Variants in RBM33 observed in about 807,000 individuals in gnomAD.
The protein encoded by RBM33 is RNA-binding protein 33.
Under a neutral mutation model 132.6 loss-of-function variants are expected in RBM33, and 28 were observed. That is an observed-to-expected ratio of 0.21 (90% confidence interval 0.16 to 0.29). RBM33 has a LOEUF of 0.29. Ranked by LOEUF, RBM33 falls within the 10% of genes least tolerant of loss-of-function variation. RBM33 has a pLI of 1.00. For missense variants in RBM33, 1,291 were observed against 1,518.5 expected (o/e 0.85, Z 2.49); for synonymous variants, 634 against 593.0 (o/e 1.07, Z -1.01).
At chr7:155,747,120 C>T (rs1270387856) in intron 14 of RBM33, among the ~76,000 whole-genome samples, 1 of 152,144 alleles carries the variant, frequency 6.6e-6, no homozygotes, top group African/African-American at 2.4e-5. Context: ...TGTAGACTAT[C>T]CAGTAGGATA....
At chr7:155,701,999 T>C (rs1401959253) in intron 6 of RBM33, among the ~76,000 whole-genome samples, 1 of 152,162 alleles carries the variant, frequency 6.6e-6, no homozygotes, top group African/African-American at 2.4e-5. Flanking sequence ...AAAGTTGTAT[T>C]TCTAATGAGT....
intron 8 of RBM33, among the ~76,000 whole-genome samples, chr7:155,712,225 A>G: frequency 6.6e-6 from 1 of 152,188 alleles, no homozygotes; most frequent in East Asian, 1.9e-4. Flanking sequence ...TGGAGAGGGG[A>G]CACACCATCT....
rs764694375 is a variant in RBM33, at chr7:155,680,836, G to A, written c.495G>A (p.Glu165=). ...LTEDQIEYVE[E]PEEEQLYTDE... is the part of the protein sequence containing the mutation. The stretch of plus-strand genomic sequence containing the variant: ...AAGACCAAATAGAATATGTGGAAGA[G>A]CCAGAGGAGGAGCAGCTTTACACTG... Residue 165 remains glutamate, a synonymous_variant, in exon 5 of 18, where the codon GAG becomes GAA. Coordinates refer to ENST00000401878, the MANE Select transcript of RBM33 (RefSeq NM_053043.3). 6.2e-7 allele frequency: 1 copy of A among 1,613,768 alleles called. No individual in the cohort carries two copies. Among genetic ancestry groups the A allele is most frequent in the Non-Finnish European group, 8.5e-7 (1 of 1,179,832 alleles).
At chr7:155,739,600 T>C (rs946044423) in intron 11 of RBM33, 115 bp from the exon 12 acceptor site, 1 of 1,177,492 alleles carries the variant, frequency 8.5e-7, no homozygotes, top group Non-Finnish European at 1.2e-6. Context: ...AAATGAAGTT[T>C]TGGTATCGCT....
At chr7:155,652,741 A>G (rs1258427803) in intron 1 of RBM33, among the ~76,000 whole-genome samples, 2 of 152,196 alleles carry the variant, frequency 1.3e-5, no homozygotes, top group Admixed American at 6.5e-5. Flanking sequence ...CGTTTTGCTC[A>G]GTTAATATTT....
chr7:155,663,980 C>A (rs576020091), intron 1 of RBM33, among the ~76,000 whole-genome samples: 1 of 152,266 alleles, frequency 6.6e-6, no homozygotes, highest in Non-Finnish European at 1.5e-5. Flanking sequence ...AGTGTTCCAG[C>A]AAATTTATGA....
At chr7:155,691,724 C>G (rs970053415) in intron 5 of RBM33, among the ~76,000 whole-genome samples, 1 of 152,164 alleles carries the variant, frequency 6.6e-6, no homozygotes, top group African/African-American at 2.4e-5. Context: ...CTGGACAGTC[C>G]TAATTAATAC....
chr7:155,685,586 G>T (rs753526897), intron 5 of RBM33, among the ~76,000 whole-genome samples: 1 of 152,190 alleles, frequency 6.6e-6, no homozygotes, highest in South Asian at 2.1e-4. Context: ...AGGAAACCCC[G>T]TGGGGAGAGA....
intron 6 of RBM33, among the ~76,000 whole-genome samples, chr7:155,701,862 G>A (rs6959476): frequency 0.4 from 60,868 of 151,856 alleles, 14,377 homozygotes; most frequent in African/African-American, 0.65. Context: ...TAGTTTTTGT[G>A]TTTTTAGTAG....
intron 9 of RBM33, among the ~76,000 whole-genome samples, chr7:155,724,990 T>TTTTTTTTGTGTG (rs71186056): frequency 1.8e-4 from 22 of 123,366 alleles, no homozygotes; most frequent in African/African-American, 7.0e-4. Context: ...GTGTACAGGT[T>TTTTTTTTGTGTG]TGTGTGTGTG....
At chr7:155,726,123 T>C (rs1800788830) in intron 9 of RBM33, among the ~76,000 whole-genome samples, 1 of 152,222 alleles carries the variant, frequency 6.6e-6, no homozygotes, top group Admixed American at 6.5e-5. Context: ...CTTATATCGT[T>C]CTTTGTATTT....
At chr7:155,735,719 GTCTCTC>G (rs879575856) in intron 9 of RBM33, among the ~76,000 whole-genome samples, 2 of 77,348 alleles carry the variant, frequency 2.6e-5, no homozygotes, top group African/African-American at 4.8e-5. Flanking sequence ...CTCTCTCTCT[GTCTCTC>G]TCTCTCTCTC....
chr7:155,702,981 T>C (rs986755347), intron 6 of RBM33, among the ~76,000 whole-genome samples: 1 of 152,218 alleles, frequency 6.6e-6, no homozygotes, highest in African/African-American at 2.4e-5. Flanking sequence ...GTGGATTTCA[T>C]GGCTCGTCTT....
At chr7:155,650,117 C>T (rs534589152) in intron 1 of RBM33, among the ~76,000 whole-genome samples, 3 of 152,332 alleles carry the variant, frequency 2.0e-5, no homozygotes, top group Admixed American at 6.5e-5. Flanking sequence ...ATCCCTTGCC[C>T]CAGGTGACCC....
chr7:155,692,940 G>T (rs1799687227), intron 5 of RBM33, among the ~76,000 whole-genome samples: 1 of 152,188 alleles, frequency 6.6e-6, no homozygotes. Flanking sequence ...AAAGTGTAAT[G>T]CAGTATACCA....
At chr7:155,666,784 T>C (rs1798814426) in intron 2 of RBM33, among the ~76,000 whole-genome samples, 1 of 152,210 alleles carries the variant, frequency 6.6e-6, no homozygotes, top group Admixed American at 6.5e-5. Context: ...AAATTTATTT[T>C]TATTGTTTAT....
Position 155,680,765 on chromosome 7 carries a change from T to C in RBM33, c.424T>C (p.Tyr142His). Residue 142 changes from tyrosine to histidine, a missense_variant, in exon 5 of 18, where the codon TAC becomes CAC. Coordinates refer to ENST00000401878, the MANE Select transcript of RBM33 (RefSeq NM_053043.3). ...TGGATCAGAATTGTATACTCAAGAG[T>C]ACCCAGAAGAAGGACAGTATGAAGG... ...SDGSELYTQE[Y>H]PEEGQYEGHE... 1 of 1,613,490 alleles carries C rather than the reference T, an allele frequency of 6.2e-7. No homozygotes were observed. Among genetic ancestry groups the C allele is most frequent in the East Asian group, 2.2e-5 (1 of 44,830 alleles).
At chr7:155,673,402 TTGTGTGTGTGTGTG>T (rs200441063) in intron 3 of RBM33, among the ~76,000 whole-genome samples, 7 of 45,162 alleles carry the variant, frequency 1.5e-4, no homozygotes, top group African/African-American at 4.4e-4. Flanking sequence ...TTTATATATA[TTGTGTGTGTGTGTG>T]TGTGTGTGTG....
chr7:155,650,148 A>G (rs918463876), intron 1 of RBM33, among the ~76,000 whole-genome samples: 1 of 152,192 alleles, frequency 6.6e-6, no homozygotes, highest in Admixed American at 6.5e-5. Flanking sequence ...ATGTCTTTAA[A>G]TGCTTTTGAC....
Sources: allele counts gnomAD v4.1 joint callset (sites outside exome capture counted in the v4.1 genomes callset), GRCh38; gene constraint gnomAD v4.1.1; transcripts MANE v1.5; gene names NCBI Gene and HGNC (gene_info 2026-07-23, HGNC 2026-07-21).